Variants in YAP1 observed in about 807,000 individuals in gnomAD.
YAP1 encodes transcriptional coactivator YAP1.
A neutral mutation model predicts 56.9 loss-of-function variants in YAP1; 5 were observed. That is an observed-to-expected ratio of 0.09 (90% CI 0.05 to 0.18). The LOEUF (loss-of-function observed/expected upper bound fraction) is 0.18. Among genes scored for constraint, YAP1 ranks in the 10% least tolerant of loss-of-function variants. YAP1 has a pLI of 1.00. For missense variants in YAP1, 539 were observed against 651.8 expected (o/e 0.83, Z 1.88); for synonymous variants, 265 against 248.1 (o/e 1.07, Z -0.64).
Position 102,171,916 on chromosome 11 carries a change from G to A in YAP1, c.688+9345G>A, listed in dbSNP as rs530783904. Among the ~76,000 whole-genome samples the A allele has an allele frequency of 5.3e-5, 8 of 152,140 alleles. No homozygotes were observed. The South Asian group carries it at 8.3e-4, about 16-fold the overall frequency. Reference sequence around the variant, plus strand: ...AAAAAATGTTATGGCAGGACCAGGCGTGGTGGCTCACACTTGTAATCCCAG... The same window carrying A: ...AAAAAATGTTATGGCAGGACCAGGCATGGTGGCTCACACTTGTAATCCCAG... On this transcript the variant is annotated intron_variant, in intron 3 of 8. Coordinates refer to ENST00000282441, the MANE Select transcript of YAP1 (RefSeq NM_001130145.3).
intron 2 of YAP1, 140 bp downstream of exon 2, chr11:102,114,534 T>A (rs1343925354): frequency 9.3e-7 from 1 of 1,075,708 alleles, no homozygotes; most frequent in African/African-American, 1.6e-5. Flanking sequence ...AGCTCTATCT[T>A]CCATATATAT....
At chr11:102,143,742 T>G (rs1945158995) in intron 2 of YAP1, among the ~76,000 whole-genome samples, 1 of 152,236 alleles carries the variant, frequency 6.6e-6, no homozygotes, top group African/African-American at 2.4e-5. Context: ...ATCGAACAGG[T>G]TACTTGTTAG....
chr11:102,141,175 C>T (rs1010199132), intron 2 of YAP1, among the ~76,000 whole-genome samples: 4 of 152,216 alleles, frequency 2.6e-5, no homozygotes, highest in African/African-American at 7.2e-5. Context: ...GGGAGTCCCT[C>T]ATGGCCTTTC....
intron 2 of YAP1, among the ~76,000 whole-genome samples, chr11:102,131,653 C>G (rs1591169054): frequency 6.6e-6 from 1 of 152,132 alleles, no homozygotes; most frequent in African/African-American, 2.4e-5. Context: ...TATGATTGCC[C>G]TTTTCACTCT....
In YAP1 at chr11:102,223,709, T is replaced by C; in HGVS notation, c.1120T>C (p.Leu374=). 6.2e-7 allele frequency: 1 copy of C among 1,614,114 alleles called. No homozygotes were observed. The highest frequency in any genetic ancestry group is 8.5e-7 in the Non-Finnish European group (1 of 1,180,010). The part of the protein sequence containing the change: ...PVSSPGMSQE[L]RTMTTNSSDP... ...GTCTTCTCCCGGGATGTCTCAGGAA[T>C]TGAGAACAATGACGACCAATAGCTC... Residue 374 remains leucine, a synonymous_variant, in exon 7 of 9, where the codon TTG becomes CTG. Transcript: ENST00000282441.
intron 2 of YAP1, among the ~76,000 whole-genome samples, chr11:102,128,422 A>G (rs545266828): frequency 3.8e-4 from 58 of 152,230 alleles, no homozygotes; most frequent in African/African-American, 1.3e-3. Flanking sequence ...CTCTCTTGCC[A>G]CTGCCATGTA....
chr11:102,154,494 A>ATG lies in YAP1; in HGVS notation c.573-7956_573-7955dup, dbSNP rs1455188201. Among the ~76,000 whole-genome samples, 5 of 152,262 alleles carry ATG rather than the reference A, an allele frequency of 3.3e-5. No individual in the cohort carries two copies. In the East Asian group the frequency reaches 7.7e-4, roughly 23 times the overall value. On this transcript the variant is annotated intron_variant, in intron 2 of 8. Coordinates refer to ENST00000282441, the MANE Select transcript of YAP1 (RefSeq NM_001130145.3). ...ATTACACATGCATGTGTATATATAT[A>ATG]TGTGTGTATATACATACATACAGAG...
intron 4 of YAP1, among the ~76,000 whole-genome samples, chr11:102,204,674 C>A (rs1949033938): frequency 6.6e-6 from 1 of 152,178 alleles, no homozygotes; most frequent in Non-Finnish European, 1.5e-5. Context: ...TGCTGTGTGA[C>A]TGGGAGACCA....
chr11:102,130,975 C>T (rs1014058633), intron 2 of YAP1, among the ~76,000 whole-genome samples: 1 of 152,086 alleles, frequency 6.6e-6, no homozygotes, highest in Admixed American at 6.6e-5. Context: ...ATGTAAGTGT[C>T]ATTGTCCTCT....
chr11:102,183,097 A>G (rs1947725325), intron 3 of YAP1, among the ~76,000 whole-genome samples: 2 of 152,226 alleles, frequency 1.3e-5, no homozygotes, highest in African/African-American at 4.8e-5. Flanking sequence ...TTACAATTCT[A>G]CCTGTTAAAT....
chr11:102,211,298 C>T (rs1488337144), intron 6 of YAP1, among the ~76,000 whole-genome samples: 1 of 152,000 alleles, frequency 6.6e-6, no homozygotes, highest in East Asian at 1.9e-4. Context: ...TTAAAATTAT[C>T]AGGAATTCTT....
At chr11:102,145,779 A>T (rs189220157) in intron 2 of YAP1, among the ~76,000 whole-genome samples, 4 of 152,298 alleles carry the variant, frequency 2.6e-5, no homozygotes, top group Admixed American at 2.6e-4. Context: ...TCATAAATTC[A>T]CTATTCCCAT....
At chr11:102,139,615 A>G (rs1477260190) in intron 2 of YAP1, among the ~76,000 whole-genome samples, 1 of 152,220 alleles carries the variant, frequency 6.6e-6, no homozygotes, top group Non-Finnish European at 1.5e-5. Context: ...AGCATTTAAG[A>G]ATACAATGAT....
intron 2 of YAP1, among the ~76,000 whole-genome samples, chr11:102,161,130 G>A (rs1036997987): frequency 1.1e-4 from 15 of 140,780 alleles, no homozygotes; most frequent in Middle Eastern, 4.0e-3. Flanking sequence ...GTGCCATCTC[G>A]GCTCACTGCA....
In YAP1 at chr11:102,198,307, A is replaced by G. The variant is rs149550917; in HGVS notation, c.803-7586A>G. On this transcript the variant is annotated intron_variant, in intron 4 of 8. Transcript: ENST00000282441. The stretch of plus-strand genomic sequence containing the variant: ...ATTCAGTTTGTTGTCAGCATTGGCT[A>G]TTGTCATTAATGATTACTGCTTTTG... Among the ~76,000 whole-genome samples the G allele has an allele frequency of 7.0e-3, 1,066 of 152,306 alleles. 7 individuals are homozygous for G. The highest frequency in any genetic ancestry group is 0.01 in the Non-Finnish European group (701 of 68,012).
At chr11:102,216,002 G>A (rs149772069) in intron 6 of YAP1, among the ~76,000 whole-genome samples, 28 of 152,282 alleles carry the variant, frequency 1.8e-4, no homozygotes, top group Admixed American at 1.6e-3. Flanking sequence ...CCATACAAGC[G>A]CGCGTGCTAG....
At chr11:102,185,462 C>G (rs1388367806) in intron 3 of YAP1, among the ~76,000 whole-genome samples, 1 of 152,022 alleles carries the variant, frequency 6.6e-6, no homozygotes, top group Admixed American at 6.6e-5. Flanking sequence ...GAAAAATAAG[C>G]TTTGTTTGGA....
At chr11:102,218,257 G>A (rs1449023239) in intron 6 of YAP1, among the ~76,000 whole-genome samples, 1 of 152,046 alleles carries the variant, frequency 6.6e-6, no homozygotes, top group Admixed American at 6.5e-5. Context: ...TCATCCCTTG[G>A]GGGATTGGTT....
chr11:102,209,366 T>C (rs1288865734), intron 5 of YAP1, 151 bp from the exon 6 acceptor site: 1 of 684,448 alleles, frequency 1.5e-6, no homozygotes, highest in South Asian at 1.9e-5. Flanking sequence ...GGTGACTCCA[T>C]TGGCTCCTGT....
Sources: gnomAD v4.1 joint callset for allele counts (sites outside exome capture counted in the v4.1 genomes callset) on GRCh38, gnomAD v4.1.1 for gene constraint, MANE v1.5 for transcripts, NCBI Gene and HGNC (gene_info 2026-07-23, HGNC 2026-07-21) for gene names.